Variants in UNC13C observed in about 807,000 individuals in gnomAD.
UNC13C encodes protein unc-13 homolog C.
UNC13C carries 174 observed loss-of-function variants against 245.4 expected under a neutral mutation model. The observed-to-expected ratio is 0.71, with a 90% CI of 0.63 to 0.80. The LOEUF (loss-of-function observed/expected upper bound fraction) is 0.80, where lower values mean the gene tolerates loss of function less well. Ranked by LOEUF, UNC13C falls within the 30% of genes least tolerant of loss-of-function variation. The pLI, the probability that UNC13C is intolerant of heterozygous loss-of-function variation, is 0.00. For missense variants in UNC13C, 2,829 were observed against 2,602.9 expected, an observed-to-expected ratio of 1.09 and a Z score of -1.89; for synonymous variants, 992 against 895.1, an observed-to-expected ratio of 1.11 and a Z score of -1.93.
intron 14 of UNC13C, among the ~76,000 whole-genome samples, chr15:54,324,766 A>G (rs1176176491): frequency 6.6e-6 from 1 of 152,064 alleles, no homozygotes; most frequent in African/African-American, 2.4e-5. Flanking sequence ...AAATTAGCCC[A>G]TTGAATTTGG....
intron 26 of UNC13C, among the ~76,000 whole-genome samples, chr15:54,545,959 C>T (rs1896465364): frequency 6.6e-6 from 1 of 152,136 alleles, no homozygotes; most frequent in Non-Finnish European, 1.5e-5. Flanking sequence ...ACCCAGCAAT[C>T]CCATTACTGA....
chr15:54,540,403 T>C (rs1475134931), intron 26 of UNC13C, among the ~76,000 whole-genome samples: 2 of 152,082 alleles, frequency 1.3e-5, no homozygotes, highest in African/African-American at 4.8e-5. Flanking sequence ...ATTTGAAAAT[T>C]GTCTGATTAA....
intron 19 of UNC13C, among the ~76,000 whole-genome samples, chr15:54,474,012 AT>A (rs1299824010): frequency 2.0e-5 from 3 of 151,918 alleles, no homozygotes; most frequent in Non-Finnish European, 4.4e-5. Context: ...ACATAATGTC[AT>A]TATTTTTATG....
intron 19 of UNC13C, among the ~76,000 whole-genome samples, chr15:54,447,116 C>T (rs902486335): frequency 6.6e-6 from 1 of 152,092 alleles, no homozygotes; most frequent in African/African-American, 2.4e-5. Context: ...TGTGTTGAAC[C>T]AGCCTTGCAT....
intron 16 of UNC13C, among the ~76,000 whole-genome samples, chr15:54,334,991 TAGG>T (rs2038535800): frequency 6.6e-6 from 1 of 151,516 alleles, no homozygotes; most frequent in Non-Finnish European, 1.5e-5. Flanking sequence ...AAAAAAAAAA[TAGG>T]AGGAAAGAAA....
At chr15:54,073,361 T>C (rs1898424754) in intron 2 of UNC13C, among the ~76,000 whole-genome samples, 1 of 152,232 alleles carries the variant, frequency 6.6e-6, no homozygotes, top group South Asian at 2.1e-4. Flanking sequence ...TGTGTCTTTA[T>C]AGTTGAATGA....
chr15:54,402,477 AAG>A (rs2040207631), intron 18 of UNC13C, among the ~76,000 whole-genome samples: 1 of 152,140 alleles, frequency 6.6e-6, no homozygotes, highest in African/African-American at 2.4e-5. Flanking sequence ...AGAGGTGAAA[AAG>A]AGTTGATCTT....
intron 4 of UNC13C, among the ~76,000 whole-genome samples, chr15:54,233,839 C>A (rs992669590): frequency 6.6e-6 from 1 of 152,142 alleles, no homozygotes; most frequent in East Asian, 1.9e-4. Flanking sequence ...GGGGCATGAA[C>A]TGTGTTGTTC....
the UNC13C span, among the ~76,000 whole-genome samples, chr15:53,856,988 A>G: frequency 1.3e-5 from 2 of 152,198 alleles, no homozygotes; most frequent in East Asian, 3.9e-4. Flanking sequence ...TATATTTAGA[A>G]TAGTTAGTTC....
chr15:54,047,754 A>C (rs926981532), intron 2 of UNC13C, among the ~76,000 whole-genome samples: 1 of 152,124 alleles, frequency 6.6e-6, no homozygotes, highest in Non-Finnish European at 1.5e-5. Flanking sequence ...TCCATCCTCA[A>C]GTATTTTTGT....
chr15:54,626,745 G>A (rs11852743), intron 32 of UNC13C, 83 bp from the exon 33 acceptor site: 753,813 of 1,209,692 alleles, frequency 0.62, 238,653 homozygotes, highest in East Asian at 0.7. Flanking sequence ...AATGTATACA[G>A]TTTTCAGCAG....
At chr15:54,471,192 G>C (rs559802225) in intron 19 of UNC13C, among the ~76,000 whole-genome samples, 36 of 151,594 alleles carry the variant, frequency 2.4e-4, no homozygotes, top group African/African-American at 8.7e-4. Context: ...CTGTTGGATA[G>C]AATATTCTGA....
intron 2 of UNC13C, among the ~76,000 whole-genome samples, chr15:54,035,503 A>T (rs1407414189): frequency 6.6e-6 from 1 of 152,174 alleles, no homozygotes; most frequent in East Asian, 1.9e-4. Context: ...CATTTTCTCC[A>T]ACTGAGAGAT....
At chr15:54,182,589 C>G (rs1056724037) in intron 4 of UNC13C, among the ~76,000 whole-genome samples, 1 of 152,086 alleles carries the variant, frequency 6.6e-6, no homozygotes, top group Non-Finnish European at 1.5e-5. Flanking sequence ...GAATTGGTAC[C>G]AGCTCTTCTT....
At chr15:54,067,828 C>A (rs1168287566) in intron 2 of UNC13C, among the ~76,000 whole-genome samples, 2 of 152,126 alleles carry the variant, frequency 1.3e-5, no homozygotes, top group East Asian at 1.9e-4. Context: ...TGCTGTGAGA[C>A]CTAGTGAGCT....
At chr15:53,884,243 A>T in the UNC13C span, among the ~76,000 whole-genome samples, 1 of 152,212 alleles carries the variant, frequency 6.6e-6, no homozygotes, top group Non-Finnish European at 1.5e-5. Flanking sequence ...TCATATGATC[A>T]GCAAGCATGA....
At chr15:53,985,845 C>T (rs1894116925) in intron 1 of UNC13C, among the ~76,000 whole-genome samples, 1 of 152,068 alleles carries the variant, frequency 6.6e-6, no homozygotes, top group South Asian at 2.1e-4. Flanking sequence ...ATATTTTCCT[C>T]ATTGGGTGTG....
rs75065634 is a variant in UNC13C at position 54,519,695 on chromosome 15, G to A, written c.5458-5854G>A. ...TTCTCCTTAAGAGGCATTTTAAAAC[G>A]AAACAAAAAACAGGGTAGTATGGTT... On this transcript the variant is annotated intron_variant, in intron 24 of 32. Transcript: ENST00000260323. Among the ~76,000 whole-genome samples, 1,070 of 152,158 alleles carry A rather than the reference G, an allele frequency of 7.0e-3. 10 individuals are homozygous for A. Among genetic ancestry groups the A allele is most frequent in the African/African-American group, 0.025 (1,030 of 41,562 alleles).
chr15:54,078,103 A>G (rs1229595473), intron 2 of UNC13C, among the ~76,000 whole-genome samples: 2 of 152,194 alleles, frequency 1.3e-5, no homozygotes, highest in African/African-American at 4.8e-5. Flanking sequence ...TTCACTTGAT[A>G]TAATAGCCTC....
Sources: allele counts gnomAD v4.1 joint callset (sites outside exome capture counted in the v4.1 genomes callset), GRCh38; gene constraint gnomAD v4.1.1; transcripts MANE v1.5; gene names NCBI Gene and HGNC (gene_info 2026-07-23, HGNC 2026-07-21).